Variants in SGCD observed in about 807,000 individuals in gnomAD.
SGCD encodes delta-sarcoglycan.
A neutral mutation model predicts 36.6 loss-of-function variants in SGCD; 18 were observed. That is an observed-to-expected ratio of 0.49 (90% CI 0.34 to 0.73). SGCD has a LOEUF of 0.73. SGCD is among the 30% of genes least tolerant of loss of function. The pLI, the probability that SGCD is intolerant of heterozygous loss-of-function variation, is 0.01. For missense variants in SGCD, 387 were observed against 346.7 expected, an observed-to-expected ratio of 1.12 and a Z score of -0.92; for synonymous variants, 133 against 130.6, an observed-to-expected ratio of 1.02 and a Z score of -0.12.
chr5:155,804,880 G>T, the SGCD span, among the ~76,000 whole-genome samples: 1 of 152,182 alleles, frequency 6.6e-6, no homozygotes. Context: ...GACATGTGTA[G>T]GTTGAACATA....
chr5:156,025,781 G>A (rs541512998), intron 1 of SGCD, among the ~76,000 whole-genome samples: 6 of 152,210 alleles, frequency 3.9e-5, no homozygotes, highest in Non-Finnish European at 8.8e-5. Flanking sequence ...TCAATGTCGG[G>A]AAAGAGCACA....
At chr5:156,410,409 T>A (rs1772674945) in intron 3 of SGCD, among the ~76,000 whole-genome samples, 1 of 152,176 alleles carries the variant, frequency 6.6e-6, no homozygotes. Context: ...GACTAACACC[T>A]ATTTGGTACT....
intron 3 of SGCD, among the ~76,000 whole-genome samples, chr5:156,471,257 C>T (rs919529152): frequency 2.6e-5 from 4 of 152,120 alleles, no homozygotes; most frequent in Admixed American, 2.6e-4. Context: ...AGTGTTAATG[C>T]CGTCATGATC....
At chr5:156,160,363 G>A (rs923157987) in intron 3 of SGCD, among the ~76,000 whole-genome samples, 1 of 151,436 alleles carries the variant, frequency 6.6e-6, no homozygotes, top group East Asian at 1.9e-4. Flanking sequence ...TATTAAAAAA[G>A]CTTCACTTTC....
the SGCD span, among the ~76,000 whole-genome samples, chr5:155,767,533 T>G: frequency 6.6e-6 from 1 of 152,226 alleles, no homozygotes; most frequent in Admixed American, 6.5e-5. Flanking sequence ...CAAATCCTGT[T>G]TTTAAGGAAC....
Position 156,303,170 on chromosome 5 carries a change from T to C in SGCD, c.-43-26364T>C, listed in dbSNP as rs189758418. 1.6e-3 allele frequency among the ~76,000 whole-genome samples: 245 copies of C among 152,236 alleles called. 3 individuals are homozygous for C. Among genetic ancestry groups the C allele is most frequent in the African/African-American group, 5.5e-3 (230 of 41,552 alleles). On this transcript the variant is annotated intron_variant, in intron 3 of 9. Coordinates refer to the SGCD transcript ENST00000517913. ...CTTGGTGCTCCATTCTACTACAGCT[T>C]AGCTGGCACCCAAGCATCAAGACAA...
At chr5:156,032,086 A>G (rs912350289) in intron 1 of SGCD, among the ~76,000 whole-genome samples, 1 of 152,250 alleles carries the variant, frequency 6.6e-6, no homozygotes, top group Admixed American at 6.5e-5. Context: ...AGGCCTGCAT[A>G]TGAACACGTG....
chr5:156,441,902 G>A (rs188711296), intron 3 of SGCD, among the ~76,000 whole-genome samples: 13 of 152,236 alleles, frequency 8.5e-5, no homozygotes, highest in Admixed American at 2.6e-4. Flanking sequence ...GCTGATTTGC[G>A]TGGAAGAAAT....
intron 7 of SGCD, among the ~76,000 whole-genome samples, chr5:156,747,452 G>A (rs1235144887): frequency 6.6e-6 from 1 of 152,128 alleles, no homozygotes; most frequent in South Asian, 2.1e-4. Context: ...CTTACCAAAC[G>A]CTGGACTAGG....
intron 3 of SGCD, among the ~76,000 whole-genome samples, chr5:156,213,967 G>A (rs1291822383): frequency 6.6e-6 from 1 of 151,900 alleles, no homozygotes; most frequent in Non-Finnish European, 1.5e-5. Context: ...ACACAATGAA[G>A]GTTGTGCATG....
chr5:156,215,434 A>G (rs964625989), intron 3 of SGCD, among the ~76,000 whole-genome samples: 2 of 152,088 alleles, frequency 1.3e-5, no homozygotes, highest in African/African-American at 2.4e-5. Context: ...CATACATCTC[A>G]TAAGGGATTA....
rs991798922 is a variant in SGCD, at chr5:156,344,659, A to C, written c.174A>C (p.Lys58Asn). Residue 58 changes from lysine to asparagine, a missense_variant, in exon 3 of 9, where the codon AAA becomes AAC. Coordinates refer to ENST00000337851, the MANE Select transcript of SGCD (RefSeq NM_000337.6). ...VNLAMTIWIL[K>N]VMNFTIDGMG... ...TGGCCATGACCATCTGGATTCTCAA[A>C]GTCATGAACTTCACAATTGTAAGTA... 6.9e-6 allele frequency: 11 copies of C among 1,603,632 alleles called. No individual in the cohort carries two copies. The highest frequency in any genetic ancestry group is 8.5e-6 in the Non-Finnish European group (10 of 1,175,464).
At chr5:156,234,098 C>T (rs1288655836) in intron 3 of SGCD, among the ~76,000 whole-genome samples, 2 of 151,978 alleles carry the variant, frequency 1.3e-5, no homozygotes, top group African/African-American at 2.4e-5. Flanking sequence ...AATAGGTGTT[C>T]GTTGTTGTTT....
In SGCD at chr5:156,303,751, T is replaced by C. The variant is rs534510875; in HGVS notation, c.-43-25783T>C. 6.0e-4 allele frequency among the ~76,000 whole-genome samples: 91 copies of C among 151,820 alleles called. 1 individual carries two copies. The highest frequency in any genetic ancestry group is 4.4e-5 in the Non-Finnish European group (3 of 67,938). On this transcript the variant is annotated intron_variant, in intron 3 of 9. Coordinates refer to the SGCD transcript ENST00000517913. ...GCCTAGGGTGTGTCTATATATGTCA[T>C]TCAGGAGCTAGGGCCTGGAATGGGG...
chr5:156,267,721 T>A (rs1766038693), intron 3 of SGCD, among the ~76,000 whole-genome samples: 1 of 152,238 alleles, frequency 6.6e-6, no homozygotes, highest in African/African-American at 2.4e-5. Context: ...TACTGGTAGA[T>A]ATAACCATCA....
intron 3 of SGCD, among the ~76,000 whole-genome samples, chr5:156,505,650 C>A (rs1756662556): frequency 6.6e-6 from 1 of 152,154 alleles, no homozygotes; most frequent in Non-Finnish European, 1.5e-5. Flanking sequence ...CATGGCCATT[C>A]CTGTTTCACT....
chr5:156,420,533 A>G (rs1485075374), intron 3 of SGCD, among the ~76,000 whole-genome samples: 1 of 152,056 alleles, frequency 6.6e-6, no homozygotes, highest in East Asian at 1.9e-4. Context: ...TTTGCCTGAT[A>G]TTTCTGTATA....
intron 4 of SGCD, among the ~76,000 whole-genome samples, chr5:156,521,493 T>G (rs1322469849): frequency 2.0e-5 from 3 of 152,086 alleles, no homozygotes. Context: ...ACAAGAAACT[T>G]AAACAAATTT....
intron 3 of SGCD, among the ~76,000 whole-genome samples, chr5:156,209,986 A>C (rs1331650725): frequency 6.6e-6 from 1 of 152,190 alleles, no homozygotes; most frequent in African/African-American, 2.4e-5. Flanking sequence ...CAAAGGCTCA[A>C]GGCCACCTCC....
Sources: gnomAD v4.1 joint callset for allele counts (sites outside exome capture counted in the v4.1 genomes callset) on GRCh38, gnomAD v4.1.1 for gene constraint, MANE v1.5 for transcripts, NCBI Gene and HGNC (gene_info 2026-07-23, HGNC 2026-07-21) for gene names.